STAB1: variants seen among roughly 807,000 people sequenced by gnomAD.
STAB1 encodes stabilin-1.
In STAB1, 250 loss-of-function variants were observed where a neutral mutation model predicts 332.4. The ratio of observed to expected loss-of-function variants is 0.75; its 90% confidence interval spans 0.68 to 0.84. STAB1 has a LOEUF of 0.84. Ranked by LOEUF, STAB1 falls within the 40% of genes least tolerant of loss-of-function variation. The pLI, the probability that STAB1 is intolerant of heterozygous loss-of-function variation, is 0.00. For missense variants in STAB1, 3,249 were observed against 3,489.7 expected (o/e 0.93, Z 1.74); for synonymous variants, 1,475 against 1,390.4 (o/e 1.06, Z -1.35).
intron 7 of STAB1, 21 bp from the exon 8 acceptor site, chr3:52,503,323 G>C: frequency 6.3e-7 from 1 of 1,594,142 alleles, no homozygotes; most frequent in Non-Finnish European, 8.6e-7. Flanking sequence ...GCTCACTTGG[G>C]CTCTCTCTCT....
intron 1 of STAB1, 149 bp downstream of exon 1, chr3:52,495,640 C>T (rs762800195): frequency 2.9e-6 from 2 of 693,608 alleles, no homozygotes; most frequent in Non-Finnish European, 4.0e-6. Flanking sequence ...TGGGGGCTGG[C>T]TATTGTGCCC....
chr3:52,513,242 G>T lies in STAB1; in HGVS notation c.3270+1G>T. ...CTGGGAGATTCGCAACATTAGTGGG[G>T]TATGTGGTGAACTCTGGGCAGAAAA... On this transcript the variant is annotated splice_donor_variant, in intron 30 of 68. Transcript: ENST00000321725. LOFTEE classifies it high-confidence loss of function. The T allele has an allele frequency of 6.4e-7, 1 of 1,571,098 alleles. No individual in the cohort carries two copies. Among genetic ancestry groups the T allele is most frequent in the South Asian group, 1.2e-5 (1 of 85,410 alleles).
At chr3:52,509,388 GCT>G in intron 22 of STAB1, 67 bp downstream of exon 22, 1 of 1,422,468 alleles carries the variant, frequency 7.0e-7, no homozygotes, top group Non-Finnish European at 9.7e-7. Context: ...GGGTCTGGGG[GCT>G]CTCAAGAAGG....
intron 17 of STAB1, 69 bp from the exon 18 acceptor site, chr3:52,506,623 G>A: frequency 6.7e-7 from 1 of 1,486,446 alleles, no homozygotes; most frequent in Non-Finnish European, 9.0e-7. Flanking sequence ...CTGCAGGGGT[G>A]GAGGTGGGCA....
In STAB1 at chr3:52,518,309, C is replaced by G; in HGVS notation, c.4762-3C>G. 19 of 1,612,692 alleles carry G rather than the reference C, an allele frequency of 1.2e-5. No homozygotes were observed. The highest frequency in any genetic ancestry group is 1.4e-5 in the Non-Finnish European group (17 of 1,179,786). On this transcript the variant is annotated splice_polypyrimidine_tract_variant and splice_region_variant and intron_variant, in intron 45 of 68. Transcript: ENST00000321725. Reference sequence around the variant, plus strand: ...AAATCTGAGCTGACCCTCGCCCCCCCAGGAGCTCCTGAGGGATAAGCATGC... The same window carrying G: ...AAATCTGAGCTGACCCTCGCCCCCCGAGGAGCTCCTGAGGGATAAGCATGC...
intron 25 of STAB1, 147 bp downstream of exon 25, chr3:52,510,654 G>T (rs756779651): frequency 3.6e-6 from 4 of 1,102,942 alleles, no homozygotes; most frequent in Non-Finnish European, 5.0e-6. Flanking sequence ...CTGAGTAGTA[G>T]CATCTGGGAT....
At chr3:52,503,742 G>C (rs771497450) in intron 8 of STAB1, 30 bp from the exon 9 acceptor site, 2 of 1,612,154 alleles carry the variant, frequency 1.2e-6, no homozygotes, top group South Asian at 2.2e-5. Flanking sequence ...GTTGGACGTG[G>C]TGTTCCCCTC....
chr3:52,504,628 C>A, intron 11 of STAB1, 79 bp downstream of exon 11: 3 of 1,611,848 alleles, frequency 1.9e-6, no homozygotes, highest in Non-Finnish European at 2.5e-6. Context: ...TCAGGGCCAC[C>A]TGGAAGGCAT....
In STAB1 at chr3:52,520,483, C is replaced by G; in HGVS notation, c.5583C>G (p.Asp1861Glu). Residue 1861 changes from aspartate (D) to glutamate (E), a missense_variant, in exon 53 of 69, where the codon GAC becomes GAG. Asp to Glu is a conservative substitution (Grantham distance 45). Coordinates refer to ENST00000321725, the MANE Select transcript of STAB1 (RefSeq NM_015136.3). ...AGGGTGGCCTGGCCTATGGCATCGA[C>G]CAGCTGCTGGAGCCACCTGGCCTTG... is the stretch of plus-strand genomic sequence containing the variant. ...PFEGGLAYGIDQLLEPPGLGA... is the reference protein window; with the variant it reads ...PFEGGLAYGIEQLLEPPGLGA... 1 of 1,612,690 alleles carries G rather than the reference C, an allele frequency of 6.2e-7. No homozygotes were observed. Among genetic ancestry groups the G allele is most frequent in the Non-Finnish European group, 8.5e-7 (1 of 1,179,888 alleles).
In STAB1 at chr3:52,522,168, C is replaced by G. The variant is rs143242234; in HGVS notation, c.6403C>G (p.Pro2135Ala). 5.8e-4 allele frequency: 933 copies of G among 1,612,778 alleles called. 6 individuals are homozygous for G. The Middle Eastern group carries it at 6.9e-3, about 12-fold the overall frequency. Reference protein sequence around the residue: ...GDGWSCRARNPCTDGHRGGCS... With the variant: ...GDGWSCRARNACTDGHRGGCS... ...TGGCTGGAGCTGCCGGGCCCGCAAC[C>G]CCTGCACAGATGGCCACCGCGGGGG... The change falls in exon 59 of 69, where the codon CCC becomes GCC. Residue 2135 changes from proline to alanine, a missense_variant. Physicochemically the swap from Pro to Ala is conservative, Grantham distance 27. Coordinates refer to ENST00000321725, the MANE Select transcript of STAB1 (RefSeq NM_015136.3).
chr3:52,517,775 G>A, intron 44 of STAB1, 106 bp from the exon 45 acceptor site: 2 of 1,586,020 alleles, frequency 1.3e-6, no homozygotes, highest in Non-Finnish European at 1.7e-6. Context: ...TAGCAAATAG[G>A]ATCTGGGGGG....
chr3:52,506,318 G>C (rs1002830142), intron 17 of STAB1, 68 bp downstream of exon 17: 1 of 1,413,756 alleles, frequency 7.1e-7, no homozygotes, highest in African/African-American at 1.4e-5. Flanking sequence ...TGGCCTCTCA[G>C]CCTTGTGTGC....
chr3:52,508,744 C>A (rs1331112670), intron 21 of STAB1, among the ~76,000 whole-genome samples: 1 of 151,994 alleles, frequency 6.6e-6, no homozygotes, highest in African/African-American at 2.4e-5. Flanking sequence ...ATCACTTGAA[C>A]CTGGGAGGCG....
At position 52,507,651 on chromosome 3, in the gene STAB1, G is replaced by A. The variant is rs200377103; in HGVS notation, c.2028G>A (p.Thr676=). 2.5e-5 allele frequency: 41 copies of A among 1,613,616 alleles called. No homozygotes were observed. In the Admixed American group the frequency reaches 5.0e-4, roughly 20 times the overall value. The change falls in exon 19 of 69, where the codon ACG becomes ACA. Residue 676 remains threonine, a synonymous_variant. Transcript: ENST00000321725. ...CVDCQALNTS[T]CPPNSVKLDI... ...ACTGCCAAGCCCTGAACACCAGCAC[G>A]TGTCCCCCCAACAGTGTGAAGCTGG...
chr3:52,515,002 A>G lies in STAB1; in HGVS notation c.3821A>G (p.Asn1274Ser). ...HAEALREKCV[N>S]CTRRFRCTQG... ...TTTTCCCTCTAGGAGAAATGTGTAA[A>G]CTGCACCAGGAGATTCCGCTGCACT... Residue 1274 changes from asparagine (N) to serine (S), a missense_variant, in exon 36 of 69, where the codon AAC (asparagine) becomes AGC (serine). Asn to Ser is a conservative substitution (Grantham distance 46). Transcript: ENST00000321725. 2 of 1,613,512 alleles carry G rather than the reference A, an allele frequency of 1.2e-6. No individual in the cohort carries two copies. Among genetic ancestry groups the G allele is most frequent in the Non-Finnish European group, 1.7e-6 (2 of 1,179,998 alleles).
At position 52,504,172 on chromosome 3, in the gene STAB1, C is replaced by T; in HGVS notation, c.1150+17C>T. On this transcript the variant is annotated intron_variant, in intron 10 of 68. Transcript: ENST00000321725. ...CCATGATGGGTGCGTGACCCCACTG[C>T]TTGCCCACGACCCGACCCCTCACCC... 6.3e-7 allele frequency: 1 copy of T among 1,577,452 alleles called. No homozygotes were observed.
At chr3:52,517,147 A>AG (rs746668928) in intron 42 of STAB1, 38 bp downstream of exon 42, 2 of 1,512,904 alleles carry the variant, frequency 1.3e-6, no homozygotes, top group African/African-American at 2.8e-5. Flanking sequence ...ATGTTGGGCT[A>AG]GGGGTCTGGC....
intron 2 of STAB1, 84 bp downstream of exon 2, chr3:52,501,386 A>C: frequency 6.4e-7 from 1 of 1,555,882 alleles, no homozygotes; most frequent in Non-Finnish European, 8.8e-7. Context: ...GGCCCACAAA[A>C]TGAGGAGAAG....
intron 1 of STAB1, among the ~76,000 whole-genome samples, chr3:52,497,699 C>T (rs1708143205): frequency 6.6e-6 from 1 of 152,154 alleles, no homozygotes; most frequent in South Asian, 2.1e-4. Context: ...AGATGTGAGC[C>T]ACCACTCCCA....
Sources: gnomAD v4.1 joint callset for allele counts (sites outside exome capture counted in the v4.1 genomes callset) on GRCh38, gnomAD v4.1.1 for gene constraint, MANE v1.5 for transcripts, NCBI Gene and HGNC (gene_info 2026-07-23, HGNC 2026-07-21) for gene names.